Variants in OSBPL9 observed in about 807,000 individuals in gnomAD.
The protein encoded by OSBPL9 is oxysterol-binding protein-related protein 9.
A neutral mutation model predicts 106.6 loss-of-function variants in OSBPL9; 40 were observed. That is an observed-to-expected ratio of 0.38 (90% CI 0.29 to 0.49). OSBPL9 has a LOEUF of 0.49. Among genes scored for constraint, OSBPL9 ranks in the 20% least tolerant of loss-of-function variants. The pLI, the probability that OSBPL9 is intolerant of heterozygous loss-of-function variation, is 0.97. For synonymous variants in OSBPL9, 269 were observed against 295.4 expected (o/e 0.91, Z 0.92); for missense variants, 609 against 887.2 (o/e 0.69, Z 3.98).
intron 2 of OSBPL9, among the ~76,000 whole-genome samples, chr1:51,602,942 G>A (rs1281518585): frequency 2.6e-5 from 4 of 152,192 alleles, no homozygotes; most frequent in East Asian, 1.9e-4. Context: ...GATCACTTGA[G>A]CTTAGGAGTT....
intron 3 of OSBPL9, among the ~76,000 whole-genome samples, chr1:51,689,554 C>T (rs2148822441): frequency 1.3e-5 from 2 of 152,194 alleles, no homozygotes; most frequent in African/African-American, 4.8e-5. Flanking sequence ...TTTTCTTCCC[C>T]AGAATATGTT....
chr1:51,775,061 G>A (rs148413379), intron 14 of OSBPL9, among the ~76,000 whole-genome samples: 323 of 151,930 alleles, frequency 2.1e-3, no homozygotes, highest in African/African-American at 7.0e-3. Context: ...ATAATTCTGC[G>A]TTATCTAAAG....
intron 2 of OSBPL9, among the ~76,000 whole-genome samples, chr1:51,661,952 T>C (rs1408187824): frequency 6.6e-6 from 1 of 152,158 alleles, no homozygotes; most frequent in Non-Finnish European, 1.5e-5. Context: ...TAGGCTAGGC[T>C]GTGGCGGAGA....
At chr1:51,633,836 G>T (rs1645261189) in intron 1 of OSBPL9, among the ~76,000 whole-genome samples, 1 of 152,072 alleles carries the variant, frequency 6.6e-6, no homozygotes, top group Admixed American at 6.5e-5. Flanking sequence ...TGTTGCCCAG[G>T]TTGGTCTCAA....
intron 3 of OSBPL9, among the ~76,000 whole-genome samples, chr1:51,686,839 A>G (rs1350827973): frequency 6.6e-6 from 1 of 152,228 alleles, no homozygotes; most frequent in Non-Finnish European, 1.5e-5. Context: ...TACTGTGTCA[A>G]CTGAGGGAGT....
intron 2 of OSBPL9, among the ~76,000 whole-genome samples, chr1:51,668,114 A>G (rs935173285): frequency 2.0e-5 from 3 of 151,386 alleles, no homozygotes; most frequent in Non-Finnish European, 2.9e-5. Context: ...AGTCATTTCA[A>G]CTCCCTTGTC....
intron 2 of OSBPL9, among the ~76,000 whole-genome samples, chr1:51,609,342 C>CCTTTTT (rs1557583432): frequency 7.2e-6 from 1 of 138,256 alleles, no homozygotes; most frequent in Non-Finnish European, 1.6e-5. Flanking sequence ...CTTCTCTCTC[C>CCTTTTT]TTTTTTTTTT....
chr1:51,694,810 G>A (rs1655687402), intron 3 of OSBPL9, among the ~76,000 whole-genome samples: 1 of 152,112 alleles, frequency 6.6e-6, no homozygotes, highest in Admixed American at 6.6e-5. Context: ...TCAAGGTCGT[G>A]GTGGCTGGTG....
intron 3 of OSBPL9, chr1:51,709,851 G>C (rs1379124713): frequency 6.6e-6 from 1 of 152,322 alleles, no homozygotes; most frequent in Non-Finnish European, 1.5e-5. Flanking sequence ...CTAAAATGAA[G>C]GGGCGAAGCC....
intron 5 of OSBPL9, among the ~76,000 whole-genome samples, chr1:51,746,048 G>A (rs1667911524): frequency 6.6e-6 from 1 of 152,006 alleles, no homozygotes; most frequent in African/African-American, 2.4e-5. Flanking sequence ...TGCAACCTCC[G>A]CCTCCCGGGT....
At chr1:51,717,959 C>T (rs1216605286) in intron 4 of OSBPL9, among the ~76,000 whole-genome samples, 1 of 152,112 alleles carries the variant, frequency 6.6e-6, no homozygotes, top group East Asian at 1.9e-4. Context: ...GGAAGCAACC[C>T]AGGTGTCCAA....
rs1000444834 is a variant in OSBPL9, at chr1:51,787,934, A to G, written c.*145A>G. 8 of 682,924 alleles carry G rather than the reference A, an allele frequency of 1.2e-5. No individual in the cohort carries two copies. The highest frequency in any genetic ancestry group is 2.0e-5 in the Non-Finnish European group (8 of 407,902). The allele number at this position is 682,924 out of a possible 1,614,324, so 42.3% of individuals were successfully genotyped here. A position where few individuals can be genotyped will look rare whatever the true frequency, so the allele number is the denominator to read the frequency against. ...TCAGGGATACTGGACTTTCTGACGC[A>G]GATGAACAATTAAGGGGAAAAGCTT... On this transcript the variant is annotated 3_prime_UTR_variant, in exon 24 of 24. Transcript: ENST00000428468.
chr1:51,640,090 C>G (rs1319258916), intron 1 of OSBPL9, among the ~76,000 whole-genome samples: 5 of 152,004 alleles, frequency 3.3e-5, no homozygotes, highest in Admixed American at 6.6e-5. Flanking sequence ...CTTCAGCCTC[C>G]CAAAGTGCTG....
At chr1:51,647,897 T>C (rs1646270045) in intron 1 of OSBPL9, among the ~76,000 whole-genome samples, 1 of 152,134 alleles carries the variant, frequency 6.6e-6, no homozygotes. Flanking sequence ...GGTGGATTGC[T>C]TGAGCTCAGG....
chr1:51,749,888 A>G (rs1355296638), intron 7 of OSBPL9, among the ~76,000 whole-genome samples: 1 of 151,698 alleles, frequency 6.6e-6, no homozygotes, highest in East Asian at 1.9e-4. Flanking sequence ...AAAAAAAAAA[A>G]AAAAGAAAAA....
chr1:51,734,151 C>A (rs75574359), intron 4 of OSBPL9, among the ~76,000 whole-genome samples: 3,546 of 152,202 alleles, frequency 0.023, 104 homozygotes, highest in East Asian at 0.11. Context: ...TATACATGTG[C>A]GCACGCAGGA....
At chr1:51,760,590 C>T in intron 9 of OSBPL9, 100 bp from the exon 10 acceptor site, 1 of 1,546,572 alleles carries the variant, frequency 6.5e-7, no homozygotes, top group Admixed American at 1.8e-5. Context: ...ATCTATATAG[C>T]TACCCTCAGG....
intron 3 of OSBPL9, among the ~76,000 whole-genome samples, chr1:51,710,227 T>C (rs762746627): frequency 6.6e-5 from 10 of 152,192 alleles, no homozygotes; most frequent in Non-Finnish European, 1.5e-4. Context: ...CAGATGCTTA[T>C]AGGACCTGAG....
chr1:51,752,148 C>T (rs898678537), intron 8 of OSBPL9, among the ~76,000 whole-genome samples: 2 of 152,112 alleles, frequency 1.3e-5, no homozygotes, highest in African/African-American at 4.8e-5. Context: ...ACGTTCACTG[C>T]CCTCTTACCT....
Sources: gnomAD v4.1 joint callset for allele counts (sites outside exome capture counted in the v4.1 genomes callset) on GRCh38, gnomAD v4.1.1 for gene constraint, MANE v1.5 for transcripts, NCBI Gene and HGNC (gene_info 2026-07-23, HGNC 2026-07-21) for gene names.